SLC9A9: variants seen among roughly 807,000 people sequenced by gnomAD.
SLC9A9 encodes solute carrier family 9 member A9, also known as sodium/hydrogen exchanger 9.
In SLC9A9, 62 loss-of-function variants were observed where a neutral mutation model predicts 77.8. The ratio of observed to expected loss-of-function variants is 0.80; its 90% CI spans 0.65 to 0.98. The LOEUF (loss-of-function observed/expected upper bound fraction) is 0.98. Among genes scored for constraint, SLC9A9 ranks in the 50% least tolerant of loss-of-function variants. The probability of loss-of-function intolerance (pLI) is 0.00; values close to 1 mark genes in which losing one functional copy is unlikely to be tolerated. For synonymous variants in SLC9A9, 320 were observed against 283.5 expected, an observed-to-expected ratio of 1.13 and a Z score of -1.29; for missense variants, 775 against 774.9, an observed-to-expected ratio of 1.00 and a Z score of 0.00.
chr3:143,712,791 T>TAA (rs1934232696), intron 4 of SLC9A9, among the ~76,000 whole-genome samples: 1 of 152,214 alleles, frequency 6.6e-6, no homozygotes, highest in Non-Finnish European at 1.5e-5. Flanking sequence ...AAGCCTTTAG[T>TAA]AAGCTGTTTT....
intron 14 of SLC9A9, among the ~76,000 whole-genome samples, chr3:143,348,557 A>G (rs1411956067): frequency 6.6e-6 from 1 of 152,218 alleles, no homozygotes; most frequent in Admixed American, 6.5e-5. Flanking sequence ...AGGGCTAGGC[A>G]TCTCTTTTTT....
intron 12 of SLC9A9, among the ~76,000 whole-genome samples, chr3:143,401,873 C>T (rs2033868185): frequency 6.6e-6 from 1 of 152,174 alleles, no homozygotes; most frequent in South Asian, 2.1e-4. Flanking sequence ...TTATTAAATG[C>T]TCCAACTTAA....
intron 12 of SLC9A9, among the ~76,000 whole-genome samples, chr3:143,447,455 A>G (rs779498735): frequency 5.3e-5 from 8 of 152,164 alleles, no homozygotes; most frequent in African/African-American, 7.2e-5. Context: ...TCTGAAAACC[A>G]TTGCCTTAAA....
intron 12 of SLC9A9, among the ~76,000 whole-genome samples, chr3:143,400,130 G>C (rs560484381): frequency 6.6e-6 from 1 of 152,074 alleles, no homozygotes; most frequent in East Asian, 1.9e-4. Context: ...GTGAAAAAAC[G>C]TGCAGCTGGA....
intron 9 of SLC9A9, among the ~76,000 whole-genome samples, chr3:143,506,883 C>A (rs2036028748): frequency 6.6e-6 from 1 of 152,112 alleles, no homozygotes; most frequent in African/African-American, 2.4e-5. Flanking sequence ...AATATATTTT[C>A]TGTGCAGAAA....
chr3:143,561,519 G>A (rs1440236219), intron 8 of SLC9A9, among the ~76,000 whole-genome samples: 1 of 152,136 alleles, frequency 6.6e-6, no homozygotes, highest in African/African-American at 2.4e-5. Context: ...GAGCTGCACG[G>A]TAAGAGTAGG....
intron 9 of SLC9A9, among the ~76,000 whole-genome samples, chr3:143,527,151 A>G (rs1024762550): frequency 2.0e-5 from 3 of 152,156 alleles, no homozygotes; most frequent in African/African-American, 7.2e-5. Context: ...CGGTGCCTGC[A>G]TTTCTCTCTC....
At chr3:143,745,884 T>C (rs1008941732) in intron 4 of SLC9A9, among the ~76,000 whole-genome samples, 1 of 152,196 alleles carries the variant, frequency 6.6e-6, no homozygotes, top group Admixed American at 6.5e-5. Context: ...TTTGATAGGG[T>C]GATCTGATGA....
At chr3:143,346,671 T>C (rs768865430) in intron 14 of SLC9A9, among the ~76,000 whole-genome samples, 23 of 152,050 alleles carry the variant, frequency 1.5e-4, no homozygotes, top group Non-Finnish European at 2.8e-4. Flanking sequence ...TGGGCACCTG[T>C]AATCCCAGCT....
intron 12 of SLC9A9, among the ~76,000 whole-genome samples, chr3:143,419,172 C>T (rs888954602): frequency 6.6e-6 from 1 of 152,102 alleles, no homozygotes; most frequent in Non-Finnish European, 1.5e-5. Context: ...TAATCTCTGC[C>T]AAAGCAACAA....
chr3:143,676,264 AGGCT>A (rs1932881792), intron 5 of SLC9A9, among the ~76,000 whole-genome samples: 1 of 152,146 alleles, frequency 6.6e-6, no homozygotes, highest in Admixed American at 6.6e-5. Flanking sequence ...GTGGCCCGGG[AGGCT>A]GGGGACACCT....
intron 9 of SLC9A9, among the ~76,000 whole-genome samples, chr3:143,524,644 T>G (rs1369480544): frequency 1.3e-5 from 2 of 152,302 alleles, no homozygotes; most frequent in South Asian, 4.1e-4. Flanking sequence ...TTTGTTTAGT[T>G]AGATTTCTTA....
At chr3:143,285,724 T>C (rs1404169689) in intron 14 of SLC9A9, among the ~76,000 whole-genome samples, 1 of 152,180 alleles carries the variant, frequency 6.6e-6, no homozygotes, top group Non-Finnish European at 1.5e-5. Flanking sequence ...TCGGATTGGT[T>C]GGGAGCAGAA....
chr3:143,411,696 T>C (rs544677918), intron 12 of SLC9A9, among the ~76,000 whole-genome samples: 1 of 152,330 alleles, frequency 6.6e-6, no homozygotes, highest in South Asian at 2.1e-4. Flanking sequence ...TTAGTTCTAC[T>C]ATAAATAACG....
chr3:143,480,445 T>C (rs1246174294), intron 11 of SLC9A9, among the ~76,000 whole-genome samples: 1 of 152,250 alleles, frequency 6.6e-6, no homozygotes, highest in Non-Finnish European at 1.5e-5. Flanking sequence ...TATACTTGTC[T>C]GCTTCGTCAC....
At chr3:143,785,851 T>C (rs1220712131) in intron 4 of SLC9A9, among the ~76,000 whole-genome samples, 56 of 30,570 alleles carry the variant, frequency 1.8e-3, no homozygotes, top group African/African-American at 4.2e-3. Context: ...TTTTCTTTTT[T>C]TTTTTTTTTT....
intron 4 of SLC9A9, among the ~76,000 whole-genome samples, chr3:143,757,562 C>T (rs1289600446): frequency 2.6e-5 from 4 of 152,078 alleles, no homozygotes; most frequent in Admixed American, 1.3e-4. Context: ...CTGCTCATTG[C>T]AAGTCAATGG....
intron 6 of SLC9A9, among the ~76,000 whole-genome samples, chr3:143,602,497 C>T (rs553313384): frequency 1.4e-3 from 209 of 152,204 alleles, no homozygotes; most frequent in African/African-American, 4.9e-3. Context: ...ATTCTTTTAC[C>T]CTCTAGACAT....
intron 9 of SLC9A9, among the ~76,000 whole-genome samples, chr3:143,507,827 T>C (rs1184992904): frequency 2.6e-5 from 4 of 152,296 alleles, no homozygotes; most frequent in South Asian, 2.1e-4. Context: ...AGATCTGGTG[T>C]TGAGAGCCCA....
Sources: allele counts gnomAD v4.1 joint callset (sites outside exome capture counted in the v4.1 genomes callset), GRCh38; gene constraint gnomAD v4.1.1; transcripts MANE v1.5; gene names NCBI Gene and HGNC (gene_info 2026-07-23, HGNC 2026-07-21).